Variants in TMEM132D observed in about 807,000 individuals in gnomAD.
The protein encoded by TMEM132D is mature OL transmembrane protein.
Under a neutral mutation model 62.3 loss-of-function variants are expected in TMEM132D, and 21 were observed. The ratio of observed to expected loss-of-function variants is 0.34; its 90% CI spans 0.24 to 0.49. TMEM132D has a LOEUF of 0.49. Among genes scored for constraint, TMEM132D ranks in the 20% least tolerant of loss-of-function variants. The pLI, the probability that TMEM132D is intolerant of heterozygous loss-of-function variation, is 0.99. For missense variants in TMEM132D, 1,346 were observed against 1,402.8 expected, an observed-to-expected ratio of 0.96 and a Z score of 0.65; for synonymous variants, 621 against 575.6, an observed-to-expected ratio of 1.08 and a Z score of -1.13.
chr12:129,889,760 T>C (rs1419569669), intron 1 of TMEM132D, among the ~76,000 whole-genome samples: 2 of 152,192 alleles, frequency 1.3e-5, no homozygotes, highest in African/African-American at 2.4e-5. Flanking sequence ...TCCAGAGGCC[T>C]TTGGGATGAC....
intron 5 of TMEM132D, among the ~76,000 whole-genome samples, chr12:129,192,350 T>G (rs1331531979): frequency 6.6e-6 from 1 of 152,256 alleles, no homozygotes; most frequent in Non-Finnish European, 1.5e-5. Context: ...TCACTAGTTT[T>G]ACTTAGAAGA....
At chr12:129,429,433 C>T (rs1872589539) in intron 3 of TMEM132D, among the ~76,000 whole-genome samples, 1 of 152,046 alleles carries the variant, frequency 6.6e-6, no homozygotes, top group African/African-American at 2.4e-5. Flanking sequence ...TTAGGGATGA[C>T]TTCTAGAAAA....
At chr12:129,652,498 C>T (rs4759988) in intron 2 of TMEM132D, among the ~76,000 whole-genome samples, 34,923 of 152,094 alleles carry the variant, frequency 0.23, 4,320 homozygotes, top group African/African-American at 0.31. Context: ...ATTTTCTGAG[C>T]GGGCCTAATG....
chr12:129,594,497 C>G (rs548608218), intron 2 of TMEM132D, among the ~76,000 whole-genome samples: 5 of 152,202 alleles, frequency 3.3e-5, no homozygotes, highest in African/African-American at 1.2e-4. Flanking sequence ...ATTTCACATA[C>G]TGTCCATTAA....
In TMEM132D at chr12:129,323,755, T is replaced by C. The variant is rs150978812; in HGVS notation, c.1299+13879A>G. On this transcript the variant is annotated intron_variant, in intron 4 of 8. Coordinates refer to ENST00000422113, the MANE Select transcript of TMEM132D (RefSeq NM_133448.3). ...ACAGGTATGCTGGCTTCATTCAGGG[T>C]CACAGTGCTAGCCATGTCATCTTGA... is the stretch of plus-strand genomic sequence containing the variant. 7.2e-3 allele frequency among the ~76,000 whole-genome samples: 1,101 copies of C among 152,312 alleles called. 11 individuals carry two copies. The highest frequency in any genetic ancestry group is 0.025 in the African/African-American group (1,038 of 41,564).
intron 1 of TMEM132D, among the ~76,000 whole-genome samples, chr12:129,763,883 CA>C (rs1870465213): frequency 6.6e-6 from 1 of 152,084 alleles, no homozygotes; most frequent in Admixed American, 6.5e-5. Context: ...GAACAGGAAC[CA>C]AATTAAGAAT....
intron 3 of TMEM132D, among the ~76,000 whole-genome samples, chr12:129,400,525 G>T (rs1419660894): frequency 1.3e-5 from 2 of 152,130 alleles, no homozygotes; most frequent in African/African-American, 4.8e-5. Context: ...AAGAACCCAT[G>T]ACTGTATTCT....
intron 1 of TMEM132D, among the ~76,000 whole-genome samples, chr12:129,847,524 T>G (rs1030920864): frequency 6.6e-6 from 1 of 152,274 alleles, no homozygotes; most frequent in Non-Finnish European, 1.5e-5. Context: ...GTCAGCTCTG[T>G]TCACCCTTGG....
chr12:129,441,731 G>A (rs969361339), intron 3 of TMEM132D, among the ~76,000 whole-genome samples: 10 of 152,090 alleles, frequency 6.6e-5, no homozygotes, highest in Middle Eastern at 3.2e-3. Context: ...CTACGGAACC[G>A]ACCCAGGTAC....
At chr12:129,377,088 T>C (rs1870803616) in intron 3 of TMEM132D, among the ~76,000 whole-genome samples, 1 of 152,230 alleles carries the variant, frequency 6.6e-6, no homozygotes, top group Non-Finnish European at 1.5e-5. Context: ...TTGTATTGTG[T>C]CTCAGTTTAC....
At position 129,575,580 on chromosome 12, in the gene TMEM132D, C is replaced by A. The variant is rs564260687; in HGVS notation, c.969-44375G>T. Among the ~76,000 whole-genome samples the A allele has an allele frequency of 3.9e-4, 60 of 151,922 alleles. 3 individuals carry two copies. The highest frequency in any genetic ancestry group is 1.4e-3 in the African/African-American group (57 of 41,252). On this transcript the variant is annotated intron_variant, in intron 2 of 8. Transcript: ENST00000422113. ...CTGAGAAGTCCTGCCTTGCTAAAAT[C>A]CGTAAATGCCAGAAAGCTCAGACCA...
intron 1 of TMEM132D, among the ~76,000 whole-genome samples, chr12:129,800,490 T>C (rs907902289): frequency 3.3e-5 from 5 of 152,082 alleles, no homozygotes; most frequent in Non-Finnish European, 7.4e-5. Flanking sequence ...AGCTATGCAG[T>C]TATAAATCCA....
At chr12:129,444,530 T>C (rs1873038506) in intron 3 of TMEM132D, among the ~76,000 whole-genome samples, 1 of 152,160 alleles carries the variant, frequency 6.6e-6, no homozygotes, top group Non-Finnish European at 1.5e-5. Context: ...ATGTGTGCCA[T>C]GGTGGTTTGC....
intron 3 of TMEM132D, among the ~76,000 whole-genome samples, chr12:129,516,506 AGCTAAGTGAAAGG>A (rs1875685689): frequency 6.6e-6 from 1 of 152,190 alleles, no homozygotes; most frequent in South Asian, 2.1e-4. Context: ...AGAAAATGAG[AGCTAAGTGAAAGG>A]GGCTTCCCCT....
At chr12:129,815,123 A>G (rs917913965) in intron 1 of TMEM132D, among the ~76,000 whole-genome samples, 7 of 152,216 alleles carry the variant, frequency 4.6e-5, no homozygotes, top group African/African-American at 1.7e-4. Context: ...TTTAAGATGT[A>G]TTCAAGGATT....
At chr12:129,479,699 A>G (rs941540843) in intron 3 of TMEM132D, among the ~76,000 whole-genome samples, 1 of 152,236 alleles carries the variant, frequency 6.6e-6, no homozygotes, top group African/African-American at 2.4e-5. Flanking sequence ...GCTGGGGGTG[A>G]TGTGAGTTTA....
intron 1 of TMEM132D, among the ~76,000 whole-genome samples, chr12:129,830,468 C>T (rs939683428): frequency 3.9e-5 from 6 of 152,160 alleles, no homozygotes; most frequent in Non-Finnish European, 8.8e-5. Context: ...TTCGGAAAGG[C>T]TTAGTAGAAA....
chr12:129,610,145 C>T (rs904243088), intron 2 of TMEM132D, among the ~76,000 whole-genome samples: 1 of 152,030 alleles, frequency 6.6e-6, no homozygotes, highest in African/African-American at 2.4e-5. Flanking sequence ...GTGGTGGGTG[C>T]CTGTAATCCC....
chr12:129,375,036 C>T (rs1870743845), intron 3 of TMEM132D, among the ~76,000 whole-genome samples: 2 of 152,212 alleles, frequency 1.3e-5, no homozygotes, highest in South Asian at 2.1e-4. Flanking sequence ...TTAACCATGT[C>T]CCTGCATGGC....
Sources: allele counts gnomAD v4.1 joint callset (sites outside exome capture counted in the v4.1 genomes callset), GRCh38; gene constraint gnomAD v4.1.1; transcripts MANE v1.5; gene names NCBI Gene and HGNC (gene_info 2026-07-23, HGNC 2026-07-21).